Variants in LSM8 observed in about 807,000 individuals in gnomAD.
The protein encoded by LSM8 is LSM8 U6 small nuclear RNA associated.
A neutral mutation model predicts 15.0 loss-of-function variants in LSM8; 14 were observed. The observed-to-expected ratio is 0.93, with a 90% CI of 0.62 to 1.46. LSM8 has a LOEUF of 1.46. LSM8 is among the 40% of genes most tolerant of loss of function. The pLI, the probability that LSM8 is intolerant of heterozygous loss-of-function variation, is 0.00. For synonymous variants in LSM8, 50 were observed against 42.1 expected, an observed-to-expected ratio of 1.19 and a Z score of -0.73; for missense variants, 90 against 115.4, an observed-to-expected ratio of 0.78 and a Z score of 1.01.
At chr7:118,184,520 A>G in intron 1 of LSM8, 1 of 383,236 alleles carries the variant, frequency 2.6e-6, no homozygotes, top group Non-Finnish European at 4.7e-6. Context: ...AAAAAAATGT[A>G]CGCTCTTGAT....
rs184066350 is a variant in LSM8, at chr7:118,196,745, T to G, written c.*4743T>G. On this transcript the variant is annotated 3_prime_UTR_variant, in exon 4 of 4. Transcript: ENST00000249299. ...ATTTATTTATTTATTTATTTATTTA[T>G]TTTTGAGACACTTCTTGCTCTTTCG... Among the ~76,000 whole-genome samples the G allele has an allele frequency of 1.1e-3, 152 of 138,608 alleles. 1 individual carries two copies. Among genetic ancestry groups the G allele is most frequent in the African/African-American group, 3.4e-3 (134 of 39,196 alleles). The allele number at this position is 138,608 out of a possible 152,430, so 90.9% of individuals were successfully genotyped here. A position where few individuals can be genotyped will look rare whatever the true frequency, so the allele number is the denominator to read the frequency against.
Position 118,196,158 on chromosome 7 carries a change from C to A in LSM8, c.*4156C>A, listed in dbSNP as rs1228896441. 6.6e-6 allele frequency among the ~76,000 whole-genome samples: 1 copy of A among 152,196 alleles called. No individual in the cohort carries two copies. The highest frequency in any genetic ancestry group is 1.9e-4 in the East Asian group (1 of 5,188). On this transcript the variant is annotated 3_prime_UTR_variant, in exon 4 of 4. Transcript: ENST00000249299. ...AGGGACACTTATCAAGCCATTAATACATGCCAGGCAGTATGCTCAAAGCTG... is the reference window on the plus strand; with the variant it reads ...AGGGACACTTATCAAGCCATTAATAAATGCCAGGCAGTATGCTCAAAGCTG...
At chr7:118,187,384 C>T (rs557429167) in intron 2 of LSM8, among the ~76,000 whole-genome samples, 129 of 152,314 alleles carry the variant, frequency 8.5e-4, no homozygotes, top group African/African-American at 3.0e-3. Flanking sequence ...TTTCATAAAA[C>T]TCTCCCTGAT....
Position 118,196,646 on chromosome 7 carries a change from T to C in LSM8, c.*4644T>C, listed in dbSNP as rs557132374. ...CAATTTTTGTGTTAGTTTTTTGTTA[T>C]GCCTTTTCATTTCCTTCTTTTTTTA... On this transcript the variant is annotated 3_prime_UTR_variant, in exon 4 of 4. Coordinates refer to ENST00000249299, the MANE Select transcript of LSM8 (RefSeq NM_016200.5). Among the ~76,000 whole-genome samples, 4 of 151,490 alleles carry C rather than the reference T, an allele frequency of 2.6e-5. No individual in the cohort carries two copies. Among genetic ancestry groups the C allele is most frequent in the Admixed American group, 1.3e-4 (2 of 15,216 alleles).
rs1489673084 is a variant in LSM8 at position 118,195,931 on chromosome 7, C to G, written c.*3929C>G. Reference sequence around the variant, plus strand: ...ACAAATTCATTTAATTGTGAGATATCTAGTACTTATGCTCCATCCTGTTTA... The same window carrying G: ...ACAAATTCATTTAATTGTGAGATATGTAGTACTTATGCTCCATCCTGTTTA... On this transcript the variant is annotated 3_prime_UTR_variant, in exon 4 of 4. Coordinates refer to ENST00000249299, the MANE Select transcript of LSM8 (RefSeq NM_016200.5). Among the ~76,000 whole-genome samples the G allele has an allele frequency of 3.3e-5, 5 of 152,146 alleles. No individual in the cohort carries two copies. The highest frequency in any genetic ancestry group is 9.7e-5 in the African/African-American group (4 of 41,422).
intron 1 of LSM8, 92 bp downstream of exon 1, chr7:118,184,346 C>T: frequency 1.5e-6 from 2 of 1,351,266 alleles, no homozygotes; most frequent in Non-Finnish European, 1.9e-6. Context: ...CTGGCCTCGG[C>T]GGGATCCTGG....
In LSM8 at chr7:118,204,018, A is replaced by G. The variant is rs1462299353; in HGVS notation, c.*12016A>G. Among the ~76,000 whole-genome samples, 1 of 151,778 alleles carries G rather than the reference A, an allele frequency of 6.6e-6. No individual in the cohort carries two copies. Among genetic ancestry groups the G allele is most frequent in the African/African-American group, 2.4e-5 (1 of 41,404 alleles). Reference sequence around the variant, plus strand: ...TGTTAATTATTACACCTAAAAATAAATTATTTTACAGAGGCTACTAAGAAT... The same window carrying G: ...TGTTAATTATTACACCTAAAAATAAGTTATTTTACAGAGGCTACTAAGAAT... On this transcript the variant is annotated 3_prime_UTR_variant, in exon 4 of 4. Transcript: ENST00000249299.
rs139773594 is a variant in LSM8 at position 118,201,434 on chromosome 7, A to G, written c.*9432A>G. Among the ~76,000 whole-genome samples, 6 of 151,916 alleles carry G rather than the reference A, an allele frequency of 3.9e-5. No individual in the cohort carries two copies. Among genetic ancestry groups the G allele is most frequent in the African/African-American group, 1.2e-4 (5 of 41,378 alleles). On this transcript the variant is annotated 3_prime_UTR_variant, in exon 4 of 4. Transcript: ENST00000249299. ...GGATCCAGCGATGCCTAAAGATGTG[A>G]CTCCTAGACTTTTCACTTACATGAG...
intron 2 of LSM8, among the ~76,000 whole-genome samples, 153 bp from the exon 3 acceptor site, chr7:118,188,125 C>T (rs143337357): frequency 5.3e-5 from 8 of 152,198 alleles, no homozygotes; most frequent in South Asian, 2.1e-4. Flanking sequence ...TGTGTACCCT[C>T]GAATACTGTT....
chr7:118,203,742 G>A lies in LSM8; in HGVS notation c.*11740G>A, dbSNP rs975734479. 2.0e-5 allele frequency among the ~76,000 whole-genome samples: 3 copies of A among 151,704 alleles called. No individual in the cohort carries two copies. Among genetic ancestry groups the A allele is most frequent in the Non-Finnish European group, 3.0e-5 (2 of 67,758 alleles). On this transcript the variant is annotated 3_prime_UTR_variant, in exon 4 of 4. Transcript: ENST00000249299. The stretch of plus-strand genomic sequence containing the variant: ...ATGATTCTATAGTAACAGTTTAGTT[G>A]AGAAAATAAATCATAATTTGTGATT...
intron 3 of LSM8, chr7:118,188,695 A>G (rs896580315): frequency 9.4e-6 from 2 of 212,008 alleles, no homozygotes; most frequent in Non-Finnish European, 1.9e-5. Context: ...GAGTCCAGAA[A>G]GGGCTCTGCC....
Position 118,184,217 on chromosome 7 carries a change from G to GA in LSM8, c.-5dup, listed in dbSNP as rs1808841362. ...CTGCGTTACCCGGAACCGCCGGGCC[G>GA]AACAGCATGACGTCCGCTTTGGAGA... On this transcript the variant is annotated 5_prime_UTR_variant, in exon 1 of 4. Coordinates refer to ENST00000249299, the MANE Select transcript of LSM8 (RefSeq NM_016200.5). 1.2e-5 allele frequency: 18 copies of GA among 1,541,606 alleles called. No homozygotes were observed. Among genetic ancestry groups the GA allele is most frequent in the Non-Finnish European group, 1.5e-5 (17 of 1,142,358 alleles).
In LSM8 at chr7:118,192,720, A is replaced by G. The variant is rs1350208922; in HGVS notation, c.*718A>G. ...TTTTACAGACAGTATATTTGAAAAA[A>G]ATTGATTCCATGTAGTCTTCAATTT... is the stretch of plus-strand genomic sequence containing the variant. On this transcript the variant is annotated 3_prime_UTR_variant, in exon 4 of 4. Coordinates refer to ENST00000249299, the MANE Select transcript of LSM8 (RefSeq NM_016200.5). 1.3e-5 allele frequency: 2 copies of G among 152,156 alleles called. No individual in the cohort carries two copies. The highest frequency in any genetic ancestry group is 2.9e-5 in the Non-Finnish European group (2 of 67,994). 9.4% of individuals were successfully genotyped at this position (152,156 alleles called of 1,614,324 possible). A position where few individuals can be genotyped will look rare whatever the true frequency, so the allele number is the denominator to read the frequency against.
intron 2 of LSM8, 142 bp downstream of exon 2, chr7:118,185,836 T>A: frequency 1.4e-6 from 1 of 704,082 alleles, no homozygotes; most frequent in African/African-American, 1.8e-5. Context: ...TTTATCACTT[T>A]GCTGTCAATC....
In LSM8 at chr7:118,200,895, T is replaced by C. The variant is rs904403140; in HGVS notation, c.*8893T>C. 1.1e-4 allele frequency among the ~76,000 whole-genome samples: 16 copies of C among 152,064 alleles called. No individual in the cohort carries two copies. The highest frequency in any genetic ancestry group is 3.9e-4 in the African/African-American group (16 of 41,436). ...GAGGTTTCTAAATCTTGACTGTTGA[T>C]TGACAATTAATGGGCTAAATTTCCC... On this transcript the variant is annotated 3_prime_UTR_variant, in exon 4 of 4. Coordinates refer to ENST00000249299, the MANE Select transcript of LSM8 (RefSeq NM_016200.5).
rs1374916297 is a variant in LSM8, at chr7:118,203,458, G to T, written c.*11456G>T. 1.3e-5 allele frequency among the ~76,000 whole-genome samples: 2 copies of T among 151,772 alleles called. No homozygotes were observed. The highest frequency in any genetic ancestry group is 1.3e-4 in the Admixed American group (2 of 15,192). ...CTTAAATTTTTTAAATAGAGTAATG[G>T]TTGTTTAGTAGAGATTAATATCTAA... On this transcript the variant is annotated 3_prime_UTR_variant, in exon 4 of 4. Coordinates refer to ENST00000249299, the MANE Select transcript of LSM8 (RefSeq NM_016200.5).
At position 118,184,185 on chromosome 7, in the gene LSM8, G is replaced by C. The variant is rs2896242; in HGVS notation, c.-39G>C. The C allele has an allele frequency of 0.71, 1,091,192 of 1,542,252 alleles. 390,287 individuals carry two copies. The highest frequency in any genetic ancestry group is 0.94 in the African/African-American group (67,349 of 71,780). ...CGCCCTTTCAGTTCTGCTTGCTGTC[G>C]GCACCGCTGCGTTACCCGGAACCGC... On this transcript the variant is annotated 5_prime_UTR_variant, in exon 1 of 4. Coordinates refer to ENST00000249299, the MANE Select transcript of LSM8 (RefSeq NM_016200.5).
chr7:118,189,792 T>TG (rs1419668677), intron 3 of LSM8: 1 of 151,782 alleles, frequency 6.6e-6, no homozygotes, highest in Non-Finnish European at 1.5e-5. Context: ...ACCTGGTAGA[T>TG]GGAGGTTGCA....
Position 118,200,509 on chromosome 7 carries a change from A to G in LSM8, c.*8507A>G, listed in dbSNP as rs1809154792. Reference sequence around the variant, plus strand: ...CCTGAACTAAAAATAAGTGGTCTCTATCACGTTGAAATTACTTTAATATTT... The same window carrying G: ...CCTGAACTAAAAATAAGTGGTCTCTGTCACGTTGAAATTACTTTAATATTT... On this transcript the variant is annotated 3_prime_UTR_variant, in exon 4 of 4. Transcript: ENST00000249299. 6.6e-6 allele frequency among the ~76,000 whole-genome samples: 1 copy of G among 152,156 alleles called. No individual in the cohort carries two copies. The highest frequency in any genetic ancestry group is 6.6e-5 in the Admixed American group (1 of 15,254).
Sources: gnomAD v4.1 joint callset for allele counts (sites outside exome capture counted in the v4.1 genomes callset) on GRCh38, gnomAD v4.1.1 for gene constraint, MANE v1.5 for transcripts, NCBI Gene and HGNC (gene_info 2026-07-23, HGNC 2026-07-21) for gene names.